Variants in EGLN3 observed in about 807,000 individuals in gnomAD.
EGLN3 encodes prolyl hydroxylase EGLN3.
In EGLN3, 15 loss-of-function variants were observed where a neutral mutation model predicts 26.0. That is an observed-to-expected ratio of 0.58 (90% CI 0.39 to 0.89). EGLN3 has a LOEUF of 0.89. Among genes scored for constraint, EGLN3 ranks in the 40% least tolerant of loss-of-function variants. The pLI is 0.00. For missense variants in EGLN3, 238 were observed against 311.6 expected (o/e 0.76, Z 1.78); for synonymous variants, 147 against 127.2 (o/e 1.16, Z -1.05).
At chr14:33,932,166 G>A (rs2064409455) in intron 1 of EGLN3, among the ~76,000 whole-genome samples, 1 of 152,172 alleles carries the variant, frequency 6.6e-6, no homozygotes, top group African/African-American at 2.4e-5. Flanking sequence ...CACAAGATGA[G>A]GACAGGGATT....
intron 2 of EGLN3, among the ~76,000 whole-genome samples, chr14:33,929,618 C>T (rs2064387614): frequency 6.6e-6 from 1 of 152,202 alleles, no homozygotes; most frequent in Admixed American, 6.5e-5. Flanking sequence ...TCCTGAAGTG[C>T]TGGGATTATA....
At chr14:33,939,217 T>TTC (rs1204072839) in intron 1 of EGLN3, among the ~76,000 whole-genome samples, 1 of 152,062 alleles carries the variant, frequency 6.6e-6, no homozygotes, top group African/African-American at 2.4e-5. Context: ...TCTTTTTTTT[T>TTC]TTTTCTTTTT....
intron 1 of EGLN3, among the ~76,000 whole-genome samples, chr14:33,938,716 C>G (rs1207008790): frequency 1.3e-5 from 2 of 152,214 alleles, no homozygotes; most frequent in African/African-American, 4.8e-5. Context: ...TGATGCCTTT[C>G]CCCAAATATT....
intron 1 of EGLN3, among the ~76,000 whole-genome samples, chr14:33,947,307 C>G (rs1311138966): frequency 1.3e-5 from 2 of 152,172 alleles, no homozygotes; most frequent in Non-Finnish European, 2.9e-5. Flanking sequence ...GGGGGCCATA[C>G]AGCTGTACAT....
chr14:33,930,347 T>C (rs570797560), intron 2 of EGLN3, among the ~76,000 whole-genome samples: 1 of 152,248 alleles, frequency 6.6e-6, no homozygotes, highest in Non-Finnish European at 1.5e-5. Flanking sequence ...GTTTCGTTTT[T>C]CTGACTCTGG....
At chr14:33,926,020 C>G (rs2064360140) in intron 4 of EGLN3, 98 bp from the exon 5 acceptor site, 1 of 1,179,514 alleles carries the variant, frequency 8.5e-7, no homozygotes, top group African/African-American at 1.5e-5. Flanking sequence ...GTAAACACTT[C>G]CCATCTTATA....
At chr14:33,927,770 A>T (rs1162428115) in intron 3 of EGLN3, among the ~76,000 whole-genome samples, 1 of 152,188 alleles carries the variant, frequency 6.6e-6, no homozygotes, top group Non-Finnish European at 1.5e-5. Context: ...TGAAGCTTTG[A>T]AAAACGACTT....
At chr14:33,947,043 A>G (rs1315723569) in intron 1 of EGLN3, among the ~76,000 whole-genome samples, 2 of 152,258 alleles carry the variant, frequency 1.3e-5, no homozygotes, top group Non-Finnish European at 2.9e-5. Flanking sequence ...AAACTGCTCA[A>G]TAAAAGGTAG....
rs1392473443 is a variant in EGLN3, at chr14:33,933,231, T to C, written c.358-2016A>G. On this transcript the variant is annotated intron_variant, in intron 1 of 4. Transcript: ENST00000250457. ...GAAGATCTAAGACTTGATCTAAGCA[T>C]CAACCCTTGAAAAAGCAACATAGTT... Among the ~76,000 whole-genome samples the C allele has an allele frequency of 4.0e-5, 6 of 149,776 alleles. No individual in the cohort carries two copies. The Admixed American group carries it at 4.0e-4, about 10-fold the overall frequency.
intron 1 of EGLN3, among the ~76,000 whole-genome samples, chr14:33,945,703 A>G (rs1263426505): frequency 6.6e-6 from 1 of 152,236 alleles, no homozygotes; most frequent in Non-Finnish European, 1.5e-5. Flanking sequence ...TTCCTAGTTC[A>G]TACCTCTAAG....
intron 1 of EGLN3, among the ~76,000 whole-genome samples, chr14:33,943,121 G>A (rs966630674): frequency 2.8e-4 from 42 of 152,118 alleles, no homozygotes; most frequent in African/African-American, 3.6e-4. Context: ...ATGTCATACC[G>A]GTTTAAGATG....
At chr14:33,940,688 T>TTTTTTG in intron 1 of EGLN3, among the ~76,000 whole-genome samples, 1 of 151,558 alleles carries the variant, frequency 6.6e-6, no homozygotes. Context: ...TATGGCAAAG[T>TTTTTTG]CGAGAGTTTT....
chr14:33,951,071 C>T lies in EGLN3; in HGVS notation c.-319G>A, dbSNP rs1302823105. ...GAAGCCACCACTGCCGCGACTGCGG[C>T]CAGACTCCGGGAGACGCTGAGGTCC... On this transcript the variant is annotated 5_prime_UTR_variant, in exon 1 of 5. Transcript: ENST00000250457. 1 of 312,442 alleles carries T rather than the reference C, an allele frequency of 3.2e-6. No homozygotes were observed. The highest frequency in any genetic ancestry group is 5.9e-6 in the Non-Finnish European group (1 of 170,310). 19.4% of individuals were successfully genotyped at this position (312,442 alleles called of 1,614,324 possible). A position where few individuals can be genotyped will look rare whatever the true frequency, so the allele number is the denominator to read the frequency against.
At chr14:33,934,251 A>G (rs2064424313) in intron 1 of EGLN3, among the ~76,000 whole-genome samples, 1 of 152,162 alleles carries the variant, frequency 6.6e-6, no homozygotes. Context: ...GGAGAGGTGA[A>G]TCAGGCCGGC....
chr14:33,942,996 G>C (rs1444067518), intron 1 of EGLN3, among the ~76,000 whole-genome samples: 2 of 152,168 alleles, frequency 1.3e-5, no homozygotes, highest in African/African-American at 2.4e-5. Flanking sequence ...GGTCTGTAAG[G>C]CTGGGATTGT....
intron 4 of EGLN3, among the ~76,000 whole-genome samples, chr14:33,926,181 G>A (rs913507187): frequency 6.6e-6 from 1 of 152,194 alleles, no homozygotes; most frequent in Non-Finnish European, 1.5e-5. Flanking sequence ...TGTATGAAGT[G>A]TAGCCTCACT....
rs562629562 is a variant in EGLN3 at position 33,924,749 on chromosome 14, C to A, written c.*1142G>T. On this transcript the variant is annotated 3_prime_UTR_variant, in exon 5 of 5. Coordinates refer to ENST00000250457, the MANE Select transcript of EGLN3 (RefSeq NM_022073.4). ...TGCAGGAGTAGAAGCTTCCACAGTT[C>A]TAGCAAATTCCATGATTCTGGTCAT... The A allele has an allele frequency of 7.2e-5, 11 of 152,172 alleles. No individual in the cohort carries two copies. The highest frequency in any genetic ancestry group is 2.2e-4 in the African/African-American group (9 of 41,522). 9.4% of individuals were successfully genotyped at this position (152,172 alleles called of 1,614,324 possible). A position where few individuals can be genotyped will look rare whatever the true frequency, so the allele number is the denominator to read the frequency against.
intron 1 of EGLN3, among the ~76,000 whole-genome samples, chr14:33,933,314 G>GA (rs5807751): frequency 0.36 from 49,506 of 139,306 alleles, 9,349 homozygotes; most frequent in Non-Finnish European, 0.43. Context: ...TTAAAATATT[G>GA]AAAAAAAAAA....
intron 3 of EGLN3, 102 bp downstream of exon 3, chr14:33,928,974 T>C: frequency 7.0e-7 from 1 of 1,420,472 alleles, no homozygotes; most frequent in Non-Finnish European, 9.5e-7. Flanking sequence ...CTATGGGGTG[T>C]GGTCAATCCC....
Sources: gnomAD v4.1 joint callset for allele counts (sites outside exome capture counted in the v4.1 genomes callset) on GRCh38, gnomAD v4.1.1 for gene constraint, MANE v1.5 for transcripts, NCBI Gene and HGNC (gene_info 2026-07-23, HGNC 2026-07-21) for gene names.